VCAN: variants seen among roughly 807,000 people sequenced by gnomAD.
VCAN encodes versican.
In VCAN, 44 loss-of-function variants were observed where a neutral mutation model predicts 245.5. That is an observed-to-expected ratio of 0.18 (90% CI 0.14 to 0.23). The LOEUF (loss-of-function observed/expected upper bound fraction) is 0.23, where lower values mean the gene tolerates loss of function less well. VCAN is among the 10% of genes least tolerant of loss of function. The pLI is 1.00. For missense variants in VCAN, 3,793 were observed against 4,057.9 expected, an observed-to-expected ratio of 0.93 and a Z score of 1.77; for synonymous variants, 1,413 against 1,437.0, an observed-to-expected ratio of 0.98 and a Z score of 0.38.
chr5:83,515,413 A>G (rs1335122777), intron 6 of VCAN, among the ~76,000 whole-genome samples: 1 of 152,190 alleles, frequency 6.6e-6, no homozygotes, highest in African/African-American at 2.4e-5. Context: ...CTAATATTCC[A>G]TGACCTTCAC....
chr5:83,519,785 A>C lies in VCAN; in HGVS notation c.1479A>C (p.Ile493=). Residue 493 remains isoleucine, a synonymous_variant, in exon 7 of 15, where the codon ATA becomes ATC. Transcript: ENST00000265077. ...AATCGGTTACACAGATTGAACAAAT[A>C]GAAGTGGGTCCTTTGGTAACATCTA... The part of the protein sequence containing the change: ...TQESVTQIEQ[I]EVGPLVTSME... The C allele has an allele frequency of 6.2e-7, 1 of 1,614,198 alleles. No individual in the cohort carries two copies. The highest frequency in any genetic ancestry group is 8.5e-7 in the Non-Finnish European group (1 of 1,179,998).
Position 83,553,427 on chromosome 5 carries a change from A to G in VCAN, c.9557A>G (p.His3186Arg), listed in dbSNP as rs779636903. 1.2e-6 allele frequency: 2 copies of G among 1,614,086 alleles called. No individual in the cohort carries two copies. Among genetic ancestry groups the G allele is most frequent in the African/African-American group, 1.3e-5 (1 of 75,042 alleles). ...GGGCAGTGCTACAAATACTTTGCCC[A>G]TCGACGCACATGGGATGCAGCTGAA... The part of the protein sequence containing the change: ...FQGQCYKYFA[H>R]RRTWDAAERE... Residue 3186 changes from histidine to arginine, a missense_variant, in exon 11 of 15, where the codon CAT becomes CGT. His to Arg is a conservative substitution (Grantham distance 29). Around this residue, in one of 5 missense-constraint regions of VCAN, gnomAD observed 205 missense variants for 321.1 expected, o/e 0.64. Transcript: ENST00000265077.
At chr5:83,532,678 C>T (rs1303932107) in intron 7 of VCAN, among the ~76,000 whole-genome samples, 2 of 152,058 alleles carry the variant, frequency 1.3e-5, no homozygotes, top group Admixed American at 1.3e-4. Flanking sequence ...GGTACCCCTG[C>T]ACTCTAGCCT....
intron 2 of VCAN, among the ~76,000 whole-genome samples, chr5:83,488,388 G>A (rs1010594250): frequency 6.6e-6 from 1 of 152,160 alleles, no homozygotes; most frequent in Non-Finnish European, 1.5e-5. Flanking sequence ...TCATTTAGGG[G>A]CAGAGGAAGC....
At chr5:83,477,204 A>G (rs2112332478) in intron 1 of VCAN, among the ~76,000 whole-genome samples, 1 of 152,334 alleles carries the variant, frequency 6.6e-6, no homozygotes, top group African/African-American at 2.4e-5. Context: ...GGATGATAAT[A>G]TATTATGTCT....
intron 12 of VCAN, among the ~76,000 whole-genome samples, chr5:83,570,816 G>A (rs1023554207): frequency 8.7e-6 from 1 of 114,714 alleles, no homozygotes; most frequent in Non-Finnish European, 1.7e-5. Flanking sequence ...TAGAGTAATT[G>A]GACCTTCCCT....
At chr5:83,550,007 C>T (rs1366392650) in intron 10 of VCAN, among the ~76,000 whole-genome samples, 1 of 152,186 alleles carries the variant, frequency 6.6e-6, no homozygotes, top group Non-Finnish European at 1.5e-5. Context: ...GTCACAGTTA[C>T]TCCGAAATAG....
Position 83,517,414 on chromosome 5 carries a change from A to T in VCAN, c.1043-1935A>T, listed in dbSNP as rs1580624337. On this transcript the variant is annotated intron_variant, in intron 6 of 14. Transcript: ENST00000265077. ...AGCTTTTTTGTTGTTATTAATAATAATATGATTAAATTTTCTCTAATATGC... is the reference window on the plus strand; with the variant it reads ...AGCTTTTTTGTTGTTATTAATAATATTATGATTAAATTTTCTCTAATATGC... 2.0e-5 allele frequency among the ~76,000 whole-genome samples: 3 copies of T among 152,302 alleles called. No homozygotes were observed. In the East Asian group the frequency reaches 5.8e-4, roughly 29 times the overall value.
intron 12 of VCAN, among the ~76,000 whole-genome samples, chr5:83,571,950 T>C (rs1413987666): frequency 6.6e-6 from 1 of 152,178 alleles, no homozygotes; most frequent in East Asian, 1.9e-4. Context: ...AAAGTTACTT[T>C]ATAGTAGTAC....
intron 5 of VCAN, among the ~76,000 whole-genome samples, chr5:83,511,570 A>C (rs72771206): frequency 0.18 from 26,245 of 141,872 alleles, 2,691 homozygotes; most frequent in East Asian, 0.36. Flanking sequence ...AGGTTTTCTT[A>C]TTTTTTTTTT....
chr5:83,526,067 G>C lies in VCAN; in HGVS notation c.4003+3758G>C, dbSNP rs934738069. Among the ~76,000 whole-genome samples the C allele has an allele frequency of 2.0e-5, 3 of 151,566 alleles. No homozygotes were observed. The East Asian group carries it at 5.8e-4, about 29-fold the overall frequency. The stretch of plus-strand genomic sequence containing the variant: ...CGATTCTCCTGCCTCAGCCTCCCGA[G>C]TAGCTGGGATTACAGGCGCCTGCCA... On this transcript the variant is annotated intron_variant, in intron 7 of 14. Transcript: ENST00000265077.
At chr5:83,503,676 C>T (rs1236213394) in intron 5 of VCAN, among the ~76,000 whole-genome samples, 2 of 152,210 alleles carry the variant, frequency 1.3e-5, no homozygotes, top group African/African-American at 4.8e-5. Flanking sequence ...TCACATCACC[C>T]AGCAAATATA....
At chr5:83,494,273 T>C (rs945450833) in intron 5 of VCAN, among the ~76,000 whole-genome samples, 1 of 152,176 alleles carries the variant, frequency 6.6e-6, no homozygotes, top group Non-Finnish European at 1.5e-5. Flanking sequence ...ATAAAAATCA[T>C]GTGATGACAA....
chr5:83,486,098 A>C (rs887495939), intron 2 of VCAN, among the ~76,000 whole-genome samples: 1 of 151,994 alleles, frequency 6.6e-6, no homozygotes, highest in Non-Finnish European at 1.5e-5. Context: ...GCACCACTGC[A>C]CTCCAGCCTG....
At chr5:83,518,018 T>C (rs1404954391) in intron 6 of VCAN, among the ~76,000 whole-genome samples, 1 of 152,122 alleles carries the variant, frequency 6.6e-6, no homozygotes, top group African/African-American at 2.4e-5. Flanking sequence ...CCTGTTTTGT[T>C]TTTTGAGGGC....
intron 5 of VCAN, among the ~76,000 whole-genome samples, chr5:83,509,221 G>A (rs1448434445): frequency 6.6e-6 from 1 of 152,178 alleles, no homozygotes; most frequent in African/African-American, 2.4e-5. Context: ...CTTCAAACAA[G>A]TGAGTTAAAT....
rs77559437 is a variant in VCAN at position 83,553,542 on chromosome 5, G to C, written c.9652+20G>C. 3,567 of 1,613,736 alleles carry C rather than the reference G, an allele frequency of 2.2e-3. 43 individuals carry two copies. In the African/African-American group the frequency reaches 0.026, roughly 12 times the overall value. ...TTAATCGTATGTACCAAATAGATAC[G>C]AGTTTCCAGGAACTTCACTTCTCAT... On this transcript the variant is annotated intron_variant, in intron 11 of 14. Transcript: ENST00000265077.
At chr5:83,574,238 A>G (rs1166525598) in intron 13 of VCAN, among the ~76,000 whole-genome samples, 1 of 152,140 alleles carries the variant, frequency 6.6e-6, no homozygotes, top group Non-Finnish European at 1.5e-5. Context: ...ACTCACGCTG[A>G]CACATTAATC....
At chr5:83,560,089 C>G (rs1254595427) in intron 12 of VCAN, among the ~76,000 whole-genome samples, 1 of 151,402 alleles carries the variant, frequency 6.6e-6, no homozygotes, top group African/African-American at 2.4e-5. Flanking sequence ...CAAAGGAAAA[C>G]AAGTGTTTTT....
Sources: gnomAD v4.1 joint callset for allele counts (sites outside exome capture counted in the v4.1 genomes callset) on GRCh38, gnomAD v4.1.1 for gene constraint, gnomAD v4.1.1 regional missense constraint, MANE v1.5 for transcripts, NCBI Gene and HGNC (gene_info 2026-07-23, HGNC 2026-07-21) for gene names.